Variants in APC observed in about 807,000 individuals in gnomAD.
The protein encoded by APC is adenomatous polyposis coli protein.
Under a neutral mutation model 247.0 loss-of-function variants are expected in APC, and 72 were observed. The observed-to-expected ratio is 0.29, with a 90% CI of 0.24 to 0.35. APC has a LOEUF of 0.35. APC is among the 10% of genes least tolerant of loss of function. The pLI, the probability that APC is intolerant of heterozygous loss-of-function variation, is 1.00. For synonymous variants in APC, 1,254 were observed against 1,162.5 expected (o/e 1.08, Z -1.60); for missense variants, 3,400 against 3,360.7 (o/e 1.01, Z -0.29).
At chr5:112,813,946 T>C (rs1762233679) in intron 8 of APC, among the ~76,000 whole-genome samples, 1 of 152,138 alleles carries the variant, frequency 6.6e-6, no homozygotes, top group Non-Finnish European at 1.5e-5. Flanking sequence ...CCAGAGCCTG[T>C]ATATCTGAAA....
intron 4 of APC, among the ~76,000 whole-genome samples, chr5:112,772,868 A>G (rs1757216296): frequency 6.6e-6 from 1 of 152,210 alleles, no homozygotes. Flanking sequence ...AGGAAATAGT[A>G]GCATCACCAT....
rs140122009 is a variant in APC, at chr5:112,741,124, TATC to T, written c.-19+3203_-19+3205del. Reference sequence around the variant, plus strand: ...CATATTTATTAGGATACCTTCTAAATATCATCTTTGAAAAATGCTGGAGTCAAA... The same window carrying T: ...CATATTTATTAGGATACCTTCTAAATATCTTTGAAAAATGCTGGAGTCAAA... On this transcript the variant is annotated intron_variant, in intron 1 of 15. Transcript: ENST00000257430. 7.4e-4 allele frequency among the ~76,000 whole-genome samples: 113 copies of T among 152,302 alleles called. 2 individuals are homozygous for T. The East Asian group carries it at 0.02, about 27-fold the overall frequency.
At chr5:112,795,776 A>G (rs945517770) in intron 7 of APC, among the ~76,000 whole-genome samples, 1 of 152,250 alleles carries the variant, frequency 6.6e-6, no homozygotes, top group Non-Finnish European at 1.5e-5. Context: ...TCTGGAACCT[A>G]TTAAAGGATA....
At chr5:112,723,726 G>A (rs1326626338) in intron 1 of APC, among the ~76,000 whole-genome samples, 1 of 152,154 alleles carries the variant, frequency 6.6e-6, no homozygotes, top group Non-Finnish European at 1.5e-5. Context: ...GTGTAACATT[G>A]AATAATGCTA....
intron 7 of APC, among the ~76,000 whole-genome samples, chr5:112,800,208 T>C (rs976521529): frequency 1.3e-5 from 2 of 152,248 alleles, no homozygotes; most frequent in Non-Finnish European, 2.9e-5. Flanking sequence ...TATGTTGACA[T>C]CTTCACTTAC....
At chr5:112,715,072 C>T (rs1751080701) in intron 1 of APC, among the ~76,000 whole-genome samples, 1 of 152,202 alleles carries the variant, frequency 6.6e-6, no homozygotes, top group South Asian at 2.1e-4. Flanking sequence ...GTACATTGTA[C>T]TCCTACCACT....
At chr5:112,755,077 C>T (rs1412552473) in intron 2 of APC, 52 bp downstream of exon 2, 1 of 1,608,510 alleles carries the variant, frequency 6.2e-7, no homozygotes. Context: ...ATTCAGTATT[C>T]CCTCTTGTAA....
At chr5:112,759,826 CTTTTTGAAACATTTT>C (rs1184202375) in intron 2 of APC, among the ~76,000 whole-genome samples, 1 of 152,070 alleles carries the variant, frequency 6.6e-6, no homozygotes, top group African/African-American at 2.4e-5. Context: ...TCTCAAAGAA[CTTTTTGAAACATTTT>C]TTTTTGGAAC....
intron 7 of APC, among the ~76,000 whole-genome samples, chr5:112,794,286 G>A (rs1759964370): frequency 6.6e-6 from 1 of 152,056 alleles, no homozygotes; most frequent in Admixed American, 6.5e-5. Context: ...TTGCCATGTT[G>A]CCCAGGCTGG....
intron 1 of APC, among the ~76,000 whole-genome samples, chr5:112,753,313 G>A (rs981177646): frequency 6.6e-6 from 1 of 152,122 alleles, no homozygotes; most frequent in African/African-American, 2.4e-5. Flanking sequence ...TTGATCAGAG[G>A]AGGGGTCTTA....
At chr5:112,797,957 G>C (rs1237760264) in intron 7 of APC, among the ~76,000 whole-genome samples, 2 of 152,140 alleles carry the variant, frequency 1.3e-5, no homozygotes, top group African/African-American at 2.4e-5. Context: ...GGAGAAGCAG[G>C]ATCCCTCATT....
chr5:112,707,653 C>A, exon 1 of APC: 1 of 1,364,038 alleles, frequency 7.3e-7, no homozygotes, highest in Non-Finnish European at 9.7e-7. Context: ...TTCCCAGGTA[C>A]TGTTGTTGGC....
In APC at chr5:112,748,343, G is replaced by A. The variant is rs112180783; in HGVS notation, c.-18-6530G>A. ...AATTAAAATGGATGAGGTGAATTCTGCTTGGAATTTAAAACTTTTTGGTAT... is the reference window on the plus strand; with the variant it reads ...AATTAAAATGGATGAGGTGAATTCTACTTGGAATTTAAAACTTTTTGGTAT... On this transcript the variant is annotated intron_variant, in intron 1 of 15. Transcript: ENST00000257430. Among the ~76,000 whole-genome samples, 762 of 152,184 alleles carry A rather than the reference G, an allele frequency of 5.0e-3. 8 individuals carry two copies. The highest frequency in any genetic ancestry group is 0.018 in the African/African-American group (729 of 41,498).
intron 1 of APC, among the ~76,000 whole-genome samples, chr5:112,727,241 C>T (rs1185879535): frequency 1.3e-5 from 2 of 151,192 alleles, no homozygotes; most frequent in African/African-American, 2.4e-5. Context: ...CACTTATCTT[C>T]GGACATTCAG....
intron 8 of APC, among the ~76,000 whole-genome samples, chr5:112,802,035 G>A (rs1469518580): frequency 3.3e-5 from 5 of 151,836 alleles, no homozygotes; most frequent in Admixed American, 2.6e-4. Flanking sequence ...TTTTTCTTTA[G>A]GGTGTTCTGT....
chr5:112,784,361 C>G (rs998866214), intron 6 of APC, among the ~76,000 whole-genome samples: 1 of 152,218 alleles, frequency 6.6e-6, no homozygotes, highest in Non-Finnish European at 1.5e-5. Context: ...AGCCACTGCA[C>G]CCAGCCAACA....
At chr5:112,820,331 A>G (rs889384743) in intron 10 of APC, among the ~76,000 whole-genome samples, 7 of 152,088 alleles carry the variant, frequency 4.6e-5, no homozygotes, top group Non-Finnish European at 8.8e-5. Context: ...ATGAAGGTGA[A>G]TTTATTTGAA....
chr5:112,728,170 C>G (rs1314001301), intron 1 of APC, among the ~76,000 whole-genome samples: 1 of 151,936 alleles, frequency 6.6e-6, no homozygotes, highest in South Asian at 2.1e-4. Flanking sequence ...CTCTGTTGCT[C>G]AGGCTGGAGT....
intron 14 of APC, among the ~76,000 whole-genome samples, chr5:112,833,206 C>T (rs1217845053): frequency 3.5e-5 from 5 of 143,896 alleles, no homozygotes; most frequent in East Asian, 2.0e-4. Flanking sequence ...TTTTTGAGAC[C>T]GAGTCTCGCT....
Sources: gnomAD v4.1 joint callset for allele counts (sites outside exome capture counted in the v4.1 genomes callset) on GRCh38, gnomAD v4.1.1 for gene constraint, MANE v1.5 for transcripts, NCBI Gene and HGNC (gene_info 2026-07-23, HGNC 2026-07-21) for gene names.